FCHO2: variants seen among roughly 807,000 people sequenced by gnomAD.
FCHO2 encodes the protein FCH and mu domain containing endocytic adaptor 2, also known as F-BAR domain only protein 2.
A neutral mutation model predicts 114.1 loss-of-function variants in FCHO2; 43 were observed. That is an observed-to-expected ratio of 0.38 (90% CI 0.30 to 0.49). The LOEUF is 0.49. Among genes scored for constraint, FCHO2 ranks in the 20% least tolerant of loss-of-function variants. FCHO2 has a pLI of 0.97. For synonymous variants in FCHO2, 293 were observed against 315.2 expected (o/e 0.93, Z 0.75); for missense variants, 807 against 950.4 (o/e 0.85, Z 1.98).
intron 5 of FCHO2, among the ~76,000 whole-genome samples, chr5:72,992,613 G>C (rs904680183): frequency 2.0e-5 from 3 of 152,074 alleles, no homozygotes; most frequent in Admixed American, 1.3e-4. Flanking sequence ...AGAAAAGAAG[G>C]CTCTTGGGTT....
intron 2 of FCHO2, among the ~76,000 whole-genome samples, chr5:72,979,777 G>T (rs146923023): frequency 0.01 from 1,536 of 152,276 alleles, 27 homozygotes; most frequent in African/African-American, 0.035. Context: ...AATTCTATTG[G>T]ATCAGTGGTG....
intron 11 of FCHO2, among the ~76,000 whole-genome samples, chr5:73,049,109 C>G (rs1757224906): frequency 6.6e-6 from 1 of 151,848 alleles, no homozygotes; most frequent in Non-Finnish European, 1.5e-5. Context: ...ATCTCCTGAC[C>G]TCGTGATCCG....
chr5:73,027,018 G>T lies in FCHO2; in HGVS notation c.797-7639G>T, dbSNP rs371774558. On this transcript the variant is annotated intron_variant, in intron 8 of 25. Transcript: ENST00000430046. ...GTCATTGTTTTTTTTTTGTTTGTTT[G>T]TTTTTTTTTTTTTTTTTTTAGTGTA... 4.9e-3 allele frequency among the ~76,000 whole-genome samples: 527 copies of T among 106,988 alleles called. 1 individual carries two copies. Among genetic ancestry groups the T allele is most frequent in the Non-Finnish European group, 6.3e-3 (309 of 48,910 alleles). 70.2% of individuals were successfully genotyped at this position (106,988 alleles called of 152,430 possible).
chr5:73,056,820 T>C (rs1757619303), intron 16 of FCHO2, among the ~76,000 whole-genome samples: 1 of 152,014 alleles, frequency 6.6e-6, no homozygotes, highest in Non-Finnish European at 1.5e-5. Flanking sequence ...AAAAGAAGTG[T>C]GTCAAGTTGG....
At chr5:73,030,518 A>G (rs1192691512) in intron 8 of FCHO2, among the ~76,000 whole-genome samples, 1 of 152,244 alleles carries the variant, frequency 6.6e-6, no homozygotes, top group Non-Finnish European at 1.5e-5. Flanking sequence ...GTATTTTAAT[A>G]AGATCCCAAG....
intron 19 of FCHO2, among the ~76,000 whole-genome samples, chr5:73,071,477 T>C (rs1742651061): frequency 1.3e-5 from 2 of 152,060 alleles, no homozygotes; most frequent in African/African-American, 4.8e-5. Context: ...TAAATATCCA[T>C]TGATTGTTAT....
intron 16 of FCHO2, among the ~76,000 whole-genome samples, chr5:73,057,102 A>T (rs200325273): frequency 1.1e-3 from 165 of 147,994 alleles, no homozygotes; most frequent in Middle Eastern, 3.5e-3. Context: ...TTTTTTCAAA[A>T]TTTTTTTTTT....
At chr5:73,015,815 A>T (rs913167076) in intron 7 of FCHO2, 91 bp downstream of exon 7, 16 of 657,808 alleles carry the variant, frequency 2.4e-5, no homozygotes, top group African/African-American at 3.8e-5. Context: ...TTCAAAGTTC[A>T]TAAGTATAAT....
At chr5:73,020,685 G>A in intron 8 of FCHO2, 1 of 1,171,246 alleles carries the variant, frequency 8.5e-7, no homozygotes, top group South Asian at 1.2e-5. Context: ...GGAACAGTTT[G>A]GTCTCTGTCC....
intron 6 of FCHO2, among the ~76,000 whole-genome samples, chr5:73,012,492 G>A (rs556938303): frequency 2.0e-5 from 3 of 152,040 alleles, no homozygotes; most frequent in African/African-American, 4.8e-5. Context: ...GGTGGCACAT[G>A]CCTGTAGTCC....
At chr5:72,994,612 C>G (rs1580066390) in intron 5 of FCHO2, among the ~76,000 whole-genome samples, 1 of 152,128 alleles carries the variant, frequency 6.6e-6, no homozygotes, top group African/African-American at 2.4e-5. Context: ...TACCATTCAC[C>G]CCAGCAGTCC....
intron 2 of FCHO2, among the ~76,000 whole-genome samples, chr5:72,984,483 A>T (rs1490365601): frequency 1.3e-5 from 2 of 152,128 alleles, no homozygotes; most frequent in Admixed American, 1.3e-4. Context: ...GCTTAATAGA[A>T]TTTTCTGGTA....
At chr5:72,983,165 C>G (rs1402770420) in intron 2 of FCHO2, among the ~76,000 whole-genome samples, 1 of 152,168 alleles carries the variant, frequency 6.6e-6, no homozygotes, top group East Asian at 1.9e-4. Flanking sequence ...CGGCCAGCCT[C>G]AGCCTCCCAA....
chr5:73,057,599 G>A (rs182330022), intron 16 of FCHO2, among the ~76,000 whole-genome samples: 160 of 152,022 alleles, frequency 1.1e-3, no homozygotes, highest in African/African-American at 3.7e-3. Flanking sequence ...GTACTTAAGG[G>A]CTTAAAAAAA....
At chr5:72,980,449 A>T (rs1753142345) in intron 2 of FCHO2, among the ~76,000 whole-genome samples, 1 of 152,142 alleles carries the variant, frequency 6.6e-6, no homozygotes, top group Non-Finnish European at 1.5e-5. Context: ...GGTTCTGTAG[A>T]TGTCTATTAG....
intron 2 of FCHO2, among the ~76,000 whole-genome samples, chr5:72,977,484 G>T (rs1752954099): frequency 6.6e-6 from 1 of 151,796 alleles, no homozygotes; most frequent in Non-Finnish European, 1.5e-5. Flanking sequence ...TTTTTTTCTT[G>T]TAAATTTAAG....
At chr5:73,011,223 T>G (rs1161805273) in intron 6 of FCHO2, among the ~76,000 whole-genome samples, 1 of 152,216 alleles carries the variant, frequency 6.6e-6, no homozygotes, top group Admixed American at 6.5e-5. Context: ...TGTACACTAC[T>G]GTAGATTTTA....
chr5:73,061,217 T>C (rs1010324460), intron 17 of FCHO2, among the ~76,000 whole-genome samples: 1 of 152,082 alleles, frequency 6.6e-6, no homozygotes, highest in Non-Finnish European at 1.5e-5. Context: ...CTATAAATAG[T>C]TACCTTTGCT....
intron 13 of FCHO2, 73 bp downstream of exon 13, chr5:73,052,580 A>ATTAC: frequency 8.5e-7 from 1 of 1,175,636 alleles, no homozygotes; most frequent in Middle Eastern, 2.4e-4. Flanking sequence ...CTGGTCAAAC[A>ATTAC]TTACTTAGCA....
Sources: gnomAD v4.1 joint callset for allele counts (sites outside exome capture counted in the v4.1 genomes callset) on GRCh38, gnomAD v4.1.1 for gene constraint, MANE v1.5 for transcripts, NCBI Gene and HGNC (gene_info 2026-07-23, HGNC 2026-07-21) for gene names.